E2F7: variants seen among roughly 807,000 people sequenced by gnomAD.
E2F7 encodes E2F transcription factor 7, also known as transcription factor E2F7.
A neutral mutation model predicts 81.1 loss-of-function variants in E2F7; 35 were observed. The observed-to-expected ratio is 0.43, with a 90% CI of 0.33 to 0.57. The LOEUF is 0.57. E2F7 is among the 20% of genes least tolerant of loss of function. The pLI, the probability that E2F7 is intolerant of heterozygous loss-of-function variation, is 0.04. For synonymous variants in E2F7, 416 were observed against 416.2 expected (o/e 1.00, Z 0.01); for missense variants, 961 against 1,093.7 (o/e 0.88, Z 1.71).
Position 77,034,964 on chromosome 12 carries a change from T to C in E2F7, c.1124-922A>G, listed in dbSNP as rs147877477. On this transcript the variant is annotated intron_variant, in intron 7 of 12. Transcript: ENST00000322886. ...AGAAATTACGAAATCAAAAAGAAAA[T>C]AGGTCAAGTCAGTAATAGGGGCCAT... Among the ~76,000 whole-genome samples the C allele has an allele frequency of 1.2e-3, 181 of 151,924 alleles. 1 individual carries two copies. The highest frequency in any genetic ancestry group is 3.9e-3 in the African/African-American group (163 of 41,402).
Position 77,022,260 on chromosome 12 carries a change from G to A in E2F7, c.*1755C>T. The A allele has an allele frequency of 6.6e-6, 1 of 151,990 alleles. No homozygotes were observed. The highest frequency in any genetic ancestry group is 1.5e-5 in the Non-Finnish European group (1 of 67,960). 9.4% of individuals were successfully genotyped at this position (151,990 alleles called of 1,614,324 possible). On this transcript the variant is annotated 3_prime_UTR_variant, in exon 13 of 13. Coordinates refer to ENST00000322886, the MANE Select transcript of E2F7 (RefSeq NM_203394.3). The stretch of plus-strand genomic sequence containing the variant: ...TAGGGAACCCATCAGTTTTAGTTCA[G>A]GGTCATTTAACCATGCAATTGTTGA...
At chr12:77,045,787 T>A in intron 5 of E2F7, 2 of 451,794 alleles carry the variant, frequency 4.4e-6, no homozygotes, top group Non-Finnish European at 7.8e-6. Flanking sequence ...AAAATGGGAG[T>A]AATGCTAGTG....
intron 7 of E2F7, among the ~76,000 whole-genome samples, chr12:77,036,412 C>A (rs1213144720): frequency 6.6e-6 from 1 of 152,080 alleles, no homozygotes; most frequent in Non-Finnish European, 1.5e-5. Context: ...GTAATCCCAG[C>A]ACTTTGGGAG....
chr12:77,022,288 G>A lies in E2F7; in HGVS notation c.*1727C>T, dbSNP rs1954718924. 1 of 152,008 alleles carries A rather than the reference G, an allele frequency of 6.6e-6. No individual in the cohort carries two copies. Among genetic ancestry groups the A allele is most frequent in the African/African-American group, 2.4e-5 (1 of 41,318 alleles). The allele number at this position is 152,008 out of a possible 1,614,324, so 9.4% of individuals were successfully genotyped here. A position where few individuals can be genotyped will look rare whatever the true frequency, so the allele number is the denominator to read the frequency against. ...TCATTTAACCATGCAATTGTTGATGGTTAGAACCACATTTTTAACCTAACT... is the reference window on the plus strand; with the variant it reads ...TCATTTAACCATGCAATTGTTGATGATTAGAACCACATTTTTAACCTAACT... On this transcript the variant is annotated 3_prime_UTR_variant, in exon 13 of 13. Coordinates refer to ENST00000322886, the MANE Select transcript of E2F7 (RefSeq NM_203394.3).
rs310830 is a variant in E2F7 at position 77,025,813 on chromosome 12, A to G, written c.2310T>C (p.Ser770=). 167,900 of 1,613,946 alleles carry G rather than the reference A, an allele frequency of 0.1. 9,919 individuals are homozygous for G. The highest frequency in any genetic ancestry group is 0.16 in the Middle Eastern group (984 of 6,062). Residue 770 remains serine, a synonymous_variant, in exon 12 of 13, where the codon TCT becomes TCC. Coordinates refer to ENST00000322886, the MANE Select transcript of E2F7 (RefSeq NM_203394.3). ...YSPAMPGPVS[S]TLGALPNTGP... is the part of the protein sequence containing the mutation. The stretch of plus-strand genomic sequence containing the variant: ...CTGTGTTTGGGAGAGCACCAAGAGT[A>G]GAAGAAACCGGGCCCGGCATTGCAG...
chr12:77,044,551 A>G (rs964588540), intron 6 of E2F7, 86 bp downstream of exon 6: 1 of 1,496,278 alleles, frequency 6.7e-7, no homozygotes, highest in Non-Finnish European at 9.1e-7. Context: ...CAATATATAT[A>G]TTTTTAATCT....
intron 7 of E2F7, 24 bp from the exon 8 acceptor site, chr12:77,034,066 G>A (rs1555199780): frequency 6.2e-7 from 1 of 1,600,930 alleles, no homozygotes; most frequent in Admixed American, 1.7e-5. Flanking sequence ...AGAATTGGTA[G>A]TGTTGTTATA....
At chr12:77,026,132 C>T in intron 11 of E2F7, 150 bp from the exon 12 acceptor site, 1 of 863,900 alleles carries the variant, frequency 1.2e-6, no homozygotes, top group South Asian at 1.9e-5. Flanking sequence ...CCAAACAGCC[C>T]ACACCCTGCT....
intron 4 of E2F7, among the ~76,000 whole-genome samples, chr12:77,047,828 C>T (rs1045097228): frequency 2.0e-5 from 3 of 152,178 alleles, no homozygotes; most frequent in African/African-American, 7.2e-5. Flanking sequence ...GGCAGCAGCC[C>T]CTTGTCCAGA....
intron 1 of E2F7, 125 bp from the exon 2 acceptor site, chr12:77,064,760 G>C: frequency 1.3e-6 from 1 of 754,948 alleles, no homozygotes; most frequent in Non-Finnish European, 2.1e-6. Flanking sequence ...GCACATCCTG[G>C]GCATTTCCAG....
intron 7 of E2F7, among the ~76,000 whole-genome samples, chr12:77,041,618 G>C (rs1954895725): frequency 2.6e-5 from 4 of 151,866 alleles, no homozygotes; most frequent in Non-Finnish European, 5.9e-5. Flanking sequence ...CAATTTTTGA[G>C]GCCTTCCAAA....
intron 7 of E2F7, among the ~76,000 whole-genome samples, chr12:77,037,296 G>A (rs1285644996): frequency 6.6e-6 from 1 of 152,066 alleles, no homozygotes; most frequent in Non-Finnish European, 1.5e-5. Flanking sequence ...TCTTCAAAAG[G>A]TAATTAACTG....
rs988797005 is a variant in E2F7, at chr12:77,023,702, C to T, written c.*313G>A. On this transcript the variant is annotated 3_prime_UTR_variant, in exon 13 of 13. Transcript: ENST00000322886. The stretch of plus-strand genomic sequence containing the variant: ...CCCTAGTTAAGTGCTAGACAGCGCC[C>T]CCCTTTAGAAAAACAAGGCTCCGGT... The T allele has an allele frequency of 4.1e-6, 1 of 241,284 alleles. No individual in the cohort carries two copies. The allele number at this position is 241,284 out of a possible 1,614,324, so 14.9% of individuals were successfully genotyped here. A position where few individuals can be genotyped will look rare whatever the true frequency, so the allele number is the denominator to read the frequency against.
chr12:77,049,118 G>C (rs1954965210), intron 4 of E2F7, among the ~76,000 whole-genome samples: 1 of 152,036 alleles, frequency 6.6e-6, no homozygotes, highest in Admixed American at 6.6e-5. Flanking sequence ...CTTTATTCTA[G>C]TCTGTTTTCA....
intron 9 of E2F7, among the ~76,000 whole-genome samples, chr12:77,031,835 C>A (rs2120641365): frequency 6.6e-6 from 1 of 152,272 alleles, no homozygotes; most frequent in Non-Finnish European, 1.5e-5. Context: ...AGAGATGAGT[C>A]ATCTCTCCAA....
rs1954733578 is a variant in E2F7, at chr12:77,023,783, C to T, written c.*232G>A. The T allele has an allele frequency of 2.1e-6, 1 of 485,438 alleles. No individual in the cohort carries two copies. The highest frequency in any genetic ancestry group is 3.6e-6 in the Non-Finnish European group (1 of 278,638). The allele number at this position is 485,438 out of a possible 1,614,324, so 30.1% of individuals were successfully genotyped here. A position where few individuals can be genotyped will look rare whatever the true frequency, so the allele number is the denominator to read the frequency against. On this transcript the variant is annotated 3_prime_UTR_variant, in exon 13 of 13. Transcript: ENST00000322886. ...CGATTCTTGAATCAAAACCATAAGT[C>T]AGTCGGCGCTTTCACTGTGACACCA...
At chr12:77,063,356 C>T (rs750149450) in intron 2 of E2F7, among the ~76,000 whole-genome samples, 1 of 152,146 alleles carries the variant, frequency 6.6e-6, no homozygotes, top group African/African-American at 2.4e-5. Context: ...GAATTAGTCT[C>T]CTATCTGTGA....
chr12:77,056,633 C>T (rs310792), intron 2 of E2F7, among the ~76,000 whole-genome samples: 101,426 of 151,936 alleles, frequency 0.67, 34,730 homozygotes, highest in East Asian at 0.84. Context: ...AGCTCTCTAA[C>T]GTCATTCTCC....
At chr12:77,027,592 C>T (rs1352178779) in intron 11 of E2F7, among the ~76,000 whole-genome samples, 1 of 152,204 alleles carries the variant, frequency 6.6e-6, no homozygotes, top group Non-Finnish European at 1.5e-5. Flanking sequence ...CACTATTATA[C>T]TAAACCAATG....
Sources: gnomAD v4.1 joint callset for allele counts (sites outside exome capture counted in the v4.1 genomes callset) on GRCh38, gnomAD v4.1.1 for gene constraint, MANE v1.5 for transcripts, NCBI Gene and HGNC (gene_info 2026-07-23, HGNC 2026-07-21) for gene names.